Variants in CREB5 observed in about 807,000 individuals in gnomAD.
The protein encoded by CREB5 is cyclic AMP-responsive element-binding protein 5.
In CREB5, 19 loss-of-function variants were observed where a neutral mutation model predicts 57.1. The observed-to-expected ratio is 0.33, with a 90% confidence interval of 0.23 to 0.49. The LOEUF is 0.49. Among genes scored for constraint, CREB5 ranks in the 20% least tolerant of loss-of-function variants. CREB5 has a pLI of 0.99. For missense variants in CREB5, 579 were observed against 671.6 expected (o/e 0.86, Z 1.52); for synonymous variants, 238 against 238.3 (o/e 1.00, Z 0.01).
intron 4 of CREB5, among the ~76,000 whole-genome samples, chr7:28,565,655 G>T (rs1186533569): frequency 6.6e-6 from 1 of 152,164 alleles, no homozygotes; most frequent in Non-Finnish European, 1.5e-5. Flanking sequence ...CTGGCTGGGT[G>T]CCGTGGTTCA....
intron 5 of CREB5, among the ~76,000 whole-genome samples, chr7:28,693,519 C>CT (rs1168029968): frequency 6.7e-6 from 1 of 149,280 alleles, no homozygotes; most frequent in African/African-American, 2.5e-5. Context: ...TGTATCACTG[C>CT]TTAAAAAAAA....
intron 1 of CREB5, among the ~76,000 whole-genome samples, chr7:28,331,765 C>A (rs1785721100): frequency 6.7e-6 from 1 of 149,098 alleles, no homozygotes; most frequent in Admixed American, 6.8e-5. Context: ...AGGAGAAGTG[C>A]TTGAACCCAG....
intron 4 of CREB5, among the ~76,000 whole-genome samples, chr7:28,524,145 G>A (rs1446548018): frequency 6.6e-6 from 1 of 152,188 alleles, no homozygotes; most frequent in Non-Finnish European, 1.5e-5. Context: ...TCTGAAGTAA[G>A]ATGTCTCTTA....
chr7:28,790,910 A>C (rs944846398), intron 7 of CREB5, among the ~76,000 whole-genome samples: 1 of 152,224 alleles, frequency 6.6e-6, no homozygotes, highest in Non-Finnish European at 1.5e-5. Flanking sequence ...TTAGTGGTTG[A>C]CACATTTGGT....
chr7:28,673,002 C>T (rs1366240435), intron 5 of CREB5, among the ~76,000 whole-genome samples: 1 of 152,198 alleles, frequency 6.6e-6, no homozygotes, highest in African/African-American at 2.4e-5. Flanking sequence ...CCACCCGCCC[C>T]ATACCTTACC....
chr7:28,395,470 C>T (rs1787316276), intron 1 of CREB5, among the ~76,000 whole-genome samples: 1 of 152,204 alleles, frequency 6.6e-6, no homozygotes, highest in Non-Finnish European at 1.5e-5. Context: ...TTTTCAATTT[C>T]CTTCACGATA....
At chr7:28,421,903 A>G (rs1423006424) in intron 1 of CREB5, among the ~76,000 whole-genome samples, 1 of 117,086 alleles carries the variant, frequency 8.5e-6, no homozygotes. Flanking sequence ...CCATATATAT[A>G]GAGAGAGTGT....
At chr7:28,658,963 A>ATATATATATATATATATATATATATATG (rs1554281591) in intron 5 of CREB5, among the ~76,000 whole-genome samples, 55 of 116,990 alleles carry the variant, frequency 4.7e-4, no homozygotes, top group South Asian at 2.6e-3. Context: ...GTATATATAT[A>ATATATATATATATATATATATATATATG]TATATATATA....
chr7:28,560,897 C>CGTGCGTGTGCGTGTGT lies in CREB5; in HGVS notation c.292-9463_292-9462insTGTGCGTGTGTGTGCG, dbSNP rs1554344444. Among the ~76,000 whole-genome samples the CGTGCGTGTGCGTGTGT allele has an allele frequency of 2.7e-4, 6 of 22,526 alleles. 1 individual carries two copies. Among genetic ancestry groups the CGTGCGTGTGCGTGTGT allele is most frequent in the African/African-American group, 9.4e-4 (6 of 6,368 alleles). 14.8% of individuals were successfully genotyped at this position (22,526 alleles called of 152,430 possible). ...GCGCGTGCGTGCGTGCGTGTGTGTG[C>CGTGCGTGTGCGTGTGT]GTGCGCGCGTGCGTGTGCGTGTGTG... On this transcript the variant is annotated intron_variant, in intron 4 of 10. Transcript: ENST00000357727.
At chr7:28,364,213 A>C (rs1786543873) in intron 1 of CREB5, among the ~76,000 whole-genome samples, 1 of 152,228 alleles carries the variant, frequency 6.6e-6, no homozygotes. Flanking sequence ...AAGCTTGGGC[A>C]GAAAGATCCC....
At chr7:28,774,716 A>G (rs1015336758) in intron 7 of CREB5, among the ~76,000 whole-genome samples, 2 of 152,246 alleles carry the variant, frequency 1.3e-5, no homozygotes, top group Non-Finnish European at 2.9e-5. Context: ...CCACTGCTAT[A>G]GAATGTTACT....
chr7:28,519,975 A>G (rs1295893701), intron 4 of CREB5, among the ~76,000 whole-genome samples: 1 of 152,242 alleles, frequency 6.6e-6, no homozygotes, highest in Non-Finnish European at 1.5e-5. Context: ...AAGAACTCAT[A>G]AAGAAGGACA....
chr7:28,816,659 C>G (rs1809458565), intron 9 of CREB5, among the ~76,000 whole-genome samples: 1 of 152,078 alleles, frequency 6.6e-6, no homozygotes, highest in Non-Finnish European at 1.5e-5. Flanking sequence ...GGGAGATATT[C>G]CTTAAAACAG....
chr7:28,598,091 T>G (rs1796759756), intron 5 of CREB5, among the ~76,000 whole-genome samples: 1 of 152,144 alleles, frequency 6.6e-6, no homozygotes, highest in Non-Finnish European at 1.5e-5. Flanking sequence ...CAACTTGAAT[T>G]GTTTCTCCCA....
intron 1 of CREB5, among the ~76,000 whole-genome samples, chr7:28,347,915 G>A (rs1308810751): frequency 6.6e-6 from 1 of 152,150 alleles, no homozygotes; most frequent in Non-Finnish European, 1.5e-5. Flanking sequence ...CCTCCCTCCT[G>A]AGCTGGGGAG....
intron 4 of CREB5, among the ~76,000 whole-genome samples, chr7:28,520,970 A>G (rs1411457078): frequency 2.0e-5 from 3 of 152,236 alleles, no homozygotes; most frequent in African/African-American, 7.2e-5. Context: ...CTAATAAGAC[A>G]GGGTTTTTTT....
chr7:28,473,237 G>A (rs1041773632), intron 1 of CREB5, among the ~76,000 whole-genome samples: 1 of 152,098 alleles, frequency 6.6e-6, no homozygotes, highest in African/African-American at 2.4e-5. Context: ...TGAGAAGATC[G>A]TTTAAGCCTA....
intron 4 of CREB5, 102 bp from the exon 5 acceptor site, chr7:28,570,263 T>A: frequency 8.0e-7 from 1 of 1,253,440 alleles, no homozygotes. Context: ...ACTCTCTATG[T>A]AGTTGACATG....
intron 5 of CREB5, among the ~76,000 whole-genome samples, chr7:28,603,369 T>A (rs1796995259): frequency 6.6e-6 from 1 of 152,328 alleles, no homozygotes; most frequent in African/African-American, 2.4e-5. Context: ...GCCAACATGA[T>A]CTGGTATGTT....
Sources: allele counts gnomAD v4.1 joint callset (sites outside exome capture counted in the v4.1 genomes callset), GRCh38; gene constraint gnomAD v4.1.1; transcripts MANE v1.5; gene names NCBI Gene and HGNC (gene_info 2026-07-23, HGNC 2026-07-21).